Variants in SPAG16 observed in about 807,000 individuals in gnomAD.
The protein encoded by SPAG16 is sperm associated antigen 16.
A neutral mutation model predicts 80.4 loss-of-function variants in SPAG16; 86 were observed. That is an observed-to-expected ratio of 1.07 (90% CI 0.90 to 1.28). The LOEUF is 1.28. Ranked by LOEUF, SPAG16 falls within the 50% of genes most tolerant of loss-of-function variation. SPAG16 has a pLI of 0.00. For missense variants in SPAG16, 870 were observed against 765.3 expected, an observed-to-expected ratio of 1.14 and a Z score of -1.61; for synonymous variants, 294 against 265.9, an observed-to-expected ratio of 1.11 and a Z score of -1.03.
At chr2:214,268,051 T>C (rs1315439595) in intron 15 of SPAG16, among the ~76,000 whole-genome samples, 1 of 151,706 alleles carries the variant, frequency 6.6e-6, no homozygotes, top group Non-Finnish European at 1.5e-5. Context: ...GAGATACAAA[T>C]TGCCAACAGA....
At chr2:213,914,150 T>G (rs1002336775) in intron 11 of SPAG16, among the ~76,000 whole-genome samples, 1 of 152,178 alleles carries the variant, frequency 6.6e-6, no homozygotes, top group African/African-American at 2.4e-5. Context: ...TAAAGAGATT[T>G]GGTTAGGGGC....
At chr2:213,802,261 T>A (rs188135535) in intron 10 of SPAG16, among the ~76,000 whole-genome samples, 25 of 152,316 alleles carry the variant, frequency 1.6e-4, no homozygotes, top group Admixed American at 7.8e-4. Flanking sequence ...GGGGTGAAGA[T>A]GGCAATCTGG....
chr2:213,974,365 GA>G (rs1354131422), intron 12 of SPAG16, among the ~76,000 whole-genome samples: 1 of 151,830 alleles, frequency 6.6e-6, no homozygotes, highest in Admixed American at 6.6e-5. Context: ...TAAGACTTTT[GA>G]AATCTAGGAA....
intron 15 of SPAG16, among the ~76,000 whole-genome samples, chr2:214,159,877 T>C (rs2056367800): frequency 6.6e-6 from 1 of 151,992 alleles, no homozygotes; most frequent in Admixed American, 6.6e-5. Flanking sequence ...GACCATGTCT[T>C]CTATCCAAAA....
chr2:213,386,329 G>A (rs1189119321), intron 9 of SPAG16, among the ~76,000 whole-genome samples: 4 of 152,098 alleles, frequency 2.6e-5, no homozygotes, highest in African/African-American at 9.7e-5. Context: ...TATATATTTT[G>A]GTTGGATTTA....
intron 15 of SPAG16, among the ~76,000 whole-genome samples, chr2:214,338,088 C>T (rs1697422128): frequency 6.6e-6 from 1 of 152,114 alleles, no homozygotes; most frequent in African/African-American, 2.4e-5. Context: ...CCAAAGTTAG[C>T]TAATTCTATT....
intron 12 of SPAG16, among the ~76,000 whole-genome samples, chr2:213,966,848 G>T (rs1405717342): frequency 6.6e-6 from 1 of 152,078 alleles, no homozygotes; most frequent in Non-Finnish European, 1.5e-5. Context: ...TACAGTATGT[G>T]ATCTACTCCA....
chr2:213,430,433 C>T (rs886970094), intron 9 of SPAG16, among the ~76,000 whole-genome samples: 4 of 152,272 alleles, frequency 2.6e-5, no homozygotes, highest in Non-Finnish European at 4.4e-5. Flanking sequence ...AACACAAATT[C>T]GTAAACTTTC....
chr2:214,043,295 C>A (rs547546727), intron 13 of SPAG16, among the ~76,000 whole-genome samples: 15 of 152,188 alleles, frequency 9.9e-5, no homozygotes, highest in African/African-American at 3.4e-4. Flanking sequence ...CTATAGTTTA[C>A]CCTTAGTTAG....
At chr2:213,422,071 T>G (rs952903169) in intron 9 of SPAG16, 5 of 617,354 alleles carry the variant, frequency 8.1e-6, no homozygotes, top group East Asian at 2.8e-5. Context: ...ACCCACTAAC[T>G]GGTAGGGGAC....
At chr2:214,294,339 C>T (rs1324706245) in intron 15 of SPAG16, among the ~76,000 whole-genome samples, 1 of 152,216 alleles carries the variant, frequency 6.6e-6, no homozygotes, top group Non-Finnish European at 1.5e-5. Context: ...TCAATCCCAA[C>T]TGAGAAGGCT....
intron 15 of SPAG16, among the ~76,000 whole-genome samples, chr2:214,230,063 T>G (rs981094552): frequency 1.3e-5 from 2 of 151,876 alleles, no homozygotes; most frequent in African/African-American, 2.4e-5. Context: ...TAAATCGGAA[T>G]GATTTCCCTA....
At chr2:213,988,329 C>G (rs1215671893) in intron 12 of SPAG16, among the ~76,000 whole-genome samples, 1 of 151,830 alleles carries the variant, frequency 6.6e-6, no homozygotes, top group African/African-American at 2.4e-5. Flanking sequence ...GGAGCATCAT[C>G]GAGATAGACT....
chr2:214,114,058 A>C (rs1403413734), intron 14 of SPAG16, among the ~76,000 whole-genome samples: 1 of 151,544 alleles, frequency 6.6e-6, no homozygotes, highest in Non-Finnish European at 1.5e-5. Context: ...TCTGTTTGTT[A>C]TTTTTCCTTC....
At chr2:214,015,138 T>G (rs533958572) in intron 13 of SPAG16, among the ~76,000 whole-genome samples, 6 of 152,226 alleles carry the variant, frequency 3.9e-5, no homozygotes, top group South Asian at 2.1e-4. Context: ...AGGCTGGAGT[T>G]TTCAGCCGCC....
At position 213,946,583 on chromosome 2, in the gene SPAG16, A is replaced by G. The variant is rs570188652; in HGVS notation, c.1400+16438A>G. On this transcript the variant is annotated intron_variant, in intron 12 of 15. Transcript: ENST00000331683. ...GTAGTTTCAGAGTATCCTTCACCCA[A>G]ATTTTCCCGGTGATAATATTTTACA... Among the ~76,000 whole-genome samples, 24 of 152,264 alleles carry G rather than the reference A, an allele frequency of 1.6e-4. No individual in the cohort carries two copies. The South Asian group carries it at 5.0e-3, about 32-fold the overall frequency.
At chr2:214,388,489 G>A (rs1209706092) in intron 15 of SPAG16, among the ~76,000 whole-genome samples, 1 of 152,114 alleles carries the variant, frequency 6.6e-6, no homozygotes. Context: ...TTTATGTTAT[G>A]TATATGTTTT....
intron 10 of SPAG16, among the ~76,000 whole-genome samples, chr2:213,590,467 C>G (rs1037306268): frequency 5.3e-5 from 8 of 150,170 alleles, no homozygotes; most frequent in African/African-American, 2.0e-4. Flanking sequence ...AAACAAATAA[C>G]CCCATTAAAA....
At chr2:214,050,291 TA>T (rs35606696) in intron 13 of SPAG16, among the ~76,000 whole-genome samples, 78,668 of 143,318 alleles carry the variant, frequency 0.55, 21,661 homozygotes, top group East Asian at 0.92. Context: ...GGGCCCCAGC[TA>T]AAAAAAAAAA....
Sources: allele counts gnomAD v4.1 joint callset (sites outside exome capture counted in the v4.1 genomes callset), GRCh38; gene constraint gnomAD v4.1.1; transcripts MANE v1.5; gene names NCBI Gene and HGNC (gene_info 2026-07-23, HGNC 2026-07-21).